Variants in KDM2B observed in about 807,000 individuals in gnomAD.
The protein encoded by KDM2B is lysine demethylase 2B.
KDM2B carries 26 observed loss-of-function variants against 150.0 expected under a neutral mutation model. That is an observed-to-expected ratio of 0.17 (90% CI 0.13 to 0.24). The LOEUF is 0.24. Ranked by LOEUF, KDM2B falls within the 10% of genes least tolerant of loss-of-function variation. KDM2B has a pLI of 1.00. For missense variants in KDM2B, 1,265 were observed against 1,816.9 expected, an observed-to-expected ratio of 0.70 and a Z score of 5.52; for synonymous variants, 734 against 729.5, an observed-to-expected ratio of 1.01 and a Z score of -0.10.
At chr12:121,476,124 G>GTCTTA (rs1555296747) in intron 12 of KDM2B, among the ~76,000 whole-genome samples, 1 of 104,540 alleles carries the variant, frequency 9.6e-6, no homozygotes, top group East Asian at 2.4e-4. Context: ...GTGAAACCCT[G>GTCTTA]TCTCTACTAA....
chr12:121,581,125 G>T (rs1459280384), upstream of KDM2B: 1 of 535,986 alleles, frequency 1.9e-6, no homozygotes, highest in Non-Finnish European at 3.1e-6. Flanking sequence ...CCTTTACTAG[G>T]CGACCAGCCC....
chr12:121,510,698 TG>T (rs1188566929), intron 10 of KDM2B, among the ~76,000 whole-genome samples: 11 of 151,866 alleles, frequency 7.2e-5, no homozygotes, highest in African/African-American at 2.7e-4. Flanking sequence ...GAGGCTGAGA[TG>T]GGAGGATCAC....
At chr12:121,541,186 C>T (rs1008307406) in intron 6 of KDM2B, among the ~76,000 whole-genome samples, 1 of 151,280 alleles carries the variant, frequency 6.6e-6, no homozygotes, top group Non-Finnish European at 1.5e-5. Context: ...GAGCAGAGCT[C>T]GCACCATTGC....
At position 121,429,830 on chromosome 12, in the gene KDM2B, G is replaced by T. The variant is rs1566242822; in HGVS notation, c.*458C>A. 4 of 567,694 alleles carry T rather than the reference G, an allele frequency of 7.0e-6. No individual in the cohort carries two copies. In the Admixed American group the frequency reaches 9.7e-5, roughly 14 times the overall value. 35.2% of individuals were successfully genotyped at this position (567,694 alleles called of 1,614,324 possible). A position where few individuals can be genotyped will look rare whatever the true frequency, so the allele number is the denominator to read the frequency against. On this transcript the variant is annotated 3_prime_UTR_variant, in exon 23 of 23. Coordinates refer to ENST00000377071, the MANE Select transcript of KDM2B (RefSeq NM_032590.5). ...TTGTACAAAAATAGTTCTGCATAATGTAAGATGTAACAAAACCAACCAAAC... is the reference window on the plus strand; with the variant it reads ...TTGTACAAAAATAGTTCTGCATAATTTAAGATGTAACAAAACCAACCAAAC...
chr12:121,532,234 A>T (rs1555307951), intron 8 of KDM2B, among the ~76,000 whole-genome samples: 1 of 152,118 alleles, frequency 6.6e-6, no homozygotes, highest in East Asian at 1.9e-4. Context: ...GCAACCTAAG[A>T]GATAATTCCC....
chr12:121,444,909 G>A, intron 14 of KDM2B: 1 of 421,940 alleles, frequency 2.4e-6, no homozygotes, highest in Non-Finnish European at 4.4e-6. Context: ...TCTACTGGGT[G>A]CTGGGGGAAG....
chr12:121,449,348 G>A (rs990968860), intron 13 of KDM2B, among the ~76,000 whole-genome samples: 6 of 152,126 alleles, frequency 3.9e-5, no homozygotes, highest in African/African-American at 1.4e-4. Context: ...GTATGTCACA[G>A]GTGGGTAACA....
chr12:121,508,657 A>G (rs943654690), intron 11 of KDM2B, among the ~76,000 whole-genome samples: 2 of 152,118 alleles, frequency 1.3e-5, no homozygotes, highest in Non-Finnish European at 2.9e-5. Context: ...AGACACACAG[A>G]AGCTCTGCAG....
chr12:121,550,699 G>A (rs1889418611), intron 4 of KDM2B, among the ~76,000 whole-genome samples: 1 of 151,992 alleles, frequency 6.6e-6, no homozygotes. Flanking sequence ...TCGCCATGTT[G>A]GTCAGGCTGG....
intron 4 of KDM2B, among the ~76,000 whole-genome samples, chr12:121,560,115 C>T (rs782735296): frequency 1.3e-5 from 2 of 152,100 alleles, no homozygotes; most frequent in African/African-American, 4.8e-5. Flanking sequence ...AGCGATCCTC[C>T]GACCTCAGCC....
chr12:121,432,769 C>T (rs140395363), intron 22 of KDM2B, among the ~76,000 whole-genome samples: 14 of 152,406 alleles, frequency 9.2e-5, no homozygotes, highest in African/African-American at 3.4e-4. Flanking sequence ...CAGAATGCGT[C>T]TCATTCCTTA....
chr12:121,453,480 T>C lies in KDM2B; in HGVS notation c.1735-136A>G, dbSNP rs1593797927. 2 of 661,386 alleles carry C rather than the reference T, an allele frequency of 3.0e-6. No individual in the cohort carries two copies. The highest frequency in any genetic ancestry group is 5.1e-6 in the Non-Finnish European group (2 of 390,638). The allele number at this position is 661,386 out of a possible 1,614,324, so 41.0% of individuals were successfully genotyped here. On this transcript the variant is annotated intron_variant, in intron 12 of 22. Transcript: ENST00000377071. This position sits in a 1 kb window ranked among gnomAD's most constrained non-coding sequence, Gnocchi z 6.4. ...GCTCTAAACCCCATTCCTCAGAGTGTGATCTTTATTTGGAGATGGGGGCTT... is the reference window on the plus strand; with the variant it reads ...GCTCTAAACCCCATTCCTCAGAGTGCGATCTTTATTTGGAGATGGGGGCTT...
At chr12:121,488,421 C>T (rs1050106118) in intron 12 of KDM2B, among the ~76,000 whole-genome samples, 34 of 152,108 alleles carry the variant, frequency 2.2e-4, no homozygotes, top group African/African-American at 8.0e-4. Flanking sequence ...TTACAGACAG[C>T]ATCTCACCAC....
At chr12:121,411,092 C>A in the KDM2B span, among the ~76,000 whole-genome samples, 16 of 152,248 alleles carry the variant, frequency 1.1e-4, no homozygotes, top group African/African-American at 3.1e-4. Flanking sequence ...TGCCACCACA[C>A]CTGGCTAATT....
chr12:121,574,682 A>T, intron 3 of KDM2B, 89 bp from the exon 4 acceptor site: 1 of 1,190,762 alleles, frequency 8.4e-7, no homozygotes, highest in East Asian at 2.4e-5. Flanking sequence ...CATTTTTCCA[A>T]GAGAGATCCT....
chr12:121,427,847 T>C (rs562426618), downstream of KDM2B, among the ~76,000 whole-genome samples: 1 of 152,206 alleles, frequency 6.6e-6, no homozygotes, highest in Non-Finnish European at 1.5e-5. Flanking sequence ...CAAATCTGTC[T>C]TGGCTACTAA....
Position 121,549,474 on chromosome 12 carries a change from T to C in KDM2B, c.562A>G (p.Lys188Glu). 1 of 1,602,266 alleles carries C rather than the reference T, an allele frequency of 6.2e-7. No individual in the cohort carries two copies. Among genetic ancestry groups the C allele is most frequent in the Non-Finnish European group, 8.5e-7 (1 of 1,170,962 alleles). ...CCCGGACCTACCACAGTCGGACGCTTGACCAAGTGCTCCAGCTTGGTGTGG... is the reference window on the plus strand; with the variant it reads ...CCCGGACCTACCACAGTCGGACGCTCGACCAAGTGCTCCAGCTTGGTGTGG... ...FSHTKLEHLV[K>E]RPTVVDLVDW... Residue 188 changes from lysine to glutamate, a missense_variant, in exon 5 of 23, where the codon AAG becomes GAG. Physicochemically the swap from Lys to Glu is moderately conservative, Grantham distance 56. Around this residue, in one of 11 missense-constraint regions of KDM2B, gnomAD observed 214 missense variants for 447.4 expected, o/e 0.48. Coordinates refer to ENST00000377071, the MANE Select transcript of KDM2B (RefSeq NM_032590.5). This position sits in a 1 kb window ranked among gnomAD's most constrained non-coding sequence, Gnocchi z 4.4.
At chr12:121,530,808 C>A (rs1459361360) in intron 8 of KDM2B, among the ~76,000 whole-genome samples, 3 of 152,076 alleles carry the variant, frequency 2.0e-5, no homozygotes, top group African/African-American at 7.2e-5. Context: ...CCACACCATC[C>A]CACACAGGGG....
downstream of KDM2B, among the ~76,000 whole-genome samples, chr12:121,426,620 ATTT>A (rs34070273): frequency 1.2e-3 from 137 of 113,526 alleles, 1 homozygote; most frequent in South Asian, 5.6e-3. Context: ...ATTTTAAACA[ATTT>A]TTTTTTTTTT....
Sources: gnomAD v4.1 joint callset for allele counts (sites outside exome capture counted in the v4.1 genomes callset) on GRCh38, gnomAD v4.1.1 for gene constraint, gnomAD v4.1.1 regional missense constraint, Gnocchi (gnomAD v3.1) non-coding constraint, MANE v1.5 for transcripts, NCBI Gene and HGNC (gene_info 2026-07-23, HGNC 2026-07-21) for gene names.